The following LILRB4 variants were observed in gnomAD, a reference collection of about 807,000 sequenced individuals.
LILRB4 encodes leukocyte immunoglobulin like receptor B4.
LILRB4 carries 49 observed loss-of-function variants against 55.2 expected under a neutral mutation model. The ratio of observed to expected loss-of-function variants is 0.89; its 90% CI spans 0.71 to 1.13. The LOEUF (loss-of-function observed/expected upper bound fraction) is 1.13. Among genes scored for constraint, LILRB4 ranks in the 50% most tolerant of loss-of-function variants. The pLI, the probability that LILRB4 is intolerant of heterozygous loss-of-function variation, is 0.00. For synonymous variants in LILRB4, 229 were observed against 213.8 expected, an observed-to-expected ratio of 1.07 and a Z score of -0.62; for missense variants, 590 against 555.2, an observed-to-expected ratio of 1.06 and a Z score of -0.63.
At chr19:54,668,295 A>C in exon 12 of LILRB4, 1 of 433,178 alleles carries the variant, frequency 2.3e-6, no homozygotes, top group East Asian at 3.7e-5. Context: ...GATCATGTAA[A>C]TATTACACAT....
At chr19:54,663,972 C>T (rs145519196) in exon 3 of LILRB4, 47 of 1,613,916 alleles carry the variant, frequency 2.9e-5, no homozygotes, top group African/African-American at 1.1e-4. Flanking sequence ...AGGGAGATAC[C>T]GCTGTTACTA....
In LILRB4 at chr19:54,665,737, G is replaced by C; in HGVS notation, c.758-78G>C. 5.3e-6 allele frequency: 8 copies of C among 1,497,548 alleles called. No individual in the cohort carries two copies. Among genetic ancestry groups the C allele is most frequent in the Non-Finnish European group, 7.3e-6 (8 of 1,097,510 alleles). 92.8% of individuals were successfully genotyped at this position (1,497,548 alleles called of 1,614,324 possible). A position where few individuals can be genotyped will look rare whatever the true frequency, so the allele number is the denominator to read the frequency against. ...TTGGAGGTAATGAAAGAAAGACCCAGCACACACAGTAGGTGCACACACAGT... is the reference window on the plus strand; with the variant it reads ...TTGGAGGTAATGAAAGAAAGACCCACCACACACAGTAGGTGCACACACAGT... On this transcript the variant is annotated intron_variant, in intron 6 of 11. Coordinates refer to ENST00000430952, the Ensembl canonical transcript of LILRB4. The surrounding 1 kb of genome is among the most constrained non-coding windows in gnomAD (Gnocchi z 5.5).
rs546775602 is a variant in LILRB4, at chr19:54,666,468, G to A, written c.988+32G>A. The A allele has an allele frequency of 3.1e-6, 5 of 1,612,514 alleles. No individual in the cohort carries two copies. The highest frequency in any genetic ancestry group is 4.5e-5 in the East Asian group (2 of 44,894). Reference sequence around the variant, plus strand: ...GAGAGGCAGAGAAGGTGCACCTGGGGTGGAGCTGGGGGTCCCAAAATTTCA... The same window carrying A: ...GAGAGGCAGAGAAGGTGCACCTGGGATGGAGCTGGGGGTCCCAAAATTTCA... On this transcript the variant is annotated intron_variant, in intron 9 of 11. Transcript: ENST00000430952. This position sits in a 1 kb window ranked among gnomAD's most constrained non-coding sequence, Gnocchi z 4.8.
chr19:54,667,006 A>T (rs970441308), intron 10 of LILRB4: 42 of 688,582 alleles, frequency 6.1e-5, no homozygotes, highest in Middle Eastern at 3.7e-4. Flanking sequence ...CCCAGGCCTC[A>T]GGAGGATGAC....
Position 54,665,744 on chromosome 19 carries a change from C to T in LILRB4, c.758-71C>T, listed in dbSNP as rs930479674. 3 of 1,515,544 alleles carry T rather than the reference C, an allele frequency of 2.0e-6. No individual in the cohort carries two copies. The highest frequency in any genetic ancestry group is 2.8e-5 in the African/African-American group (2 of 72,226). The allele number at this position is 1,515,544 out of a possible 1,614,324, so 93.9% of individuals were successfully genotyped here. A position where few individuals can be genotyped will look rare whatever the true frequency, so the allele number is the denominator to read the frequency against. On this transcript the variant is annotated intron_variant, in intron 6 of 11. Transcript: ENST00000430952. The surrounding 1 kb of genome is among the most constrained non-coding windows in gnomAD (Gnocchi z 5.5). ...TAATGAAAGAAAGACCCAGCACACACAGTAGGTGCACACACAGTAGGTGTG... is the reference window on the plus strand; with the variant it reads ...TAATGAAAGAAAGACCCAGCACACATAGTAGGTGCACACACAGTAGGTGTG...
intron 1 of LILRB4, among the ~76,000 whole-genome samples, chr19:54,663,289 A>G (rs1347148374): frequency 2.0e-5 from 3 of 151,744 alleles, no homozygotes; most frequent in Admixed American, 6.6e-5. Context: ...TACTAAAAAT[A>G]CAAAAAATTA....
Position 54,666,196 on chromosome 19 carries a change from G to C in LILRB4, c.875-44G>C, listed in dbSNP as rs536302819. 3.9e-6 allele frequency: 6 copies of C among 1,524,992 alleles called. No individual in the cohort carries two copies. The highest frequency in any genetic ancestry group is 1.4e-5 in the African/African-American group (1 of 71,870). The allele number at this position is 1,524,992 out of a possible 1,614,324, so 94.5% of individuals were successfully genotyped here. On this transcript the variant is annotated intron_variant, in intron 7 of 11. Coordinates refer to ENST00000430952, the Ensembl canonical transcript of LILRB4. This position sits in a 1 kb window ranked among gnomAD's most constrained non-coding sequence, Gnocchi z 4.8. ...TTGACTTGCATGTGCAAGGCAGGTG[G>C]TTCTAACGTTCCCAGAGCTGAGACT...
At chr19:54,664,907 C>T in intron 5 of LILRB4, 58 bp downstream of exon 5, 1 of 1,511,172 alleles carries the variant, frequency 6.6e-7, no homozygotes, top group Non-Finnish European at 9.2e-7. Flanking sequence ...TGTCTCAAGA[C>T]ATGCTCAGTG....
rs759853004 is a variant in LILRB4, at chr19:54,665,918, A to T, written c.861A>T (p.Lys287Asn). 6.2e-7 allele frequency: 1 copy of T among 1,613,628 alleles called. No individual in the cohort carries two copies. The highest frequency in any genetic ancestry group is 1.1e-5 in the South Asian group (1 of 91,026). Reference sequence around the variant, plus strand: ...TCCTCCAACACTGGCGTCAGGGAAAACACAGGACATTGGGTAAGTAGGAAA... The same window carrying T: ...TCCTCCAACACTGGCGTCAGGGAAATCACAGGACATTGGGTAAGTAGGAAA... The change falls in exon 7 of 12, where the codon AAA becomes AAT. Residue 287 changes from lysine (K) to asparagine (N), a missense_variant. Lys to Asn is a moderately conservative substitution (Grantham distance 94). Coordinates refer to ENST00000430952, the Ensembl canonical transcript of LILRB4. The surrounding 1 kb of genome is among the most constrained non-coding windows in gnomAD (Gnocchi z 5.5).
chr19:54,667,288 G>T (rs2065325151), intron 10 of LILRB4: 1 of 581,516 alleles, frequency 1.7e-6, no homozygotes, highest in Non-Finnish European at 3.3e-6. Flanking sequence ...GGAAAGGGAG[G>T]GCTGTCTGCT....
At chr19:54,663,192 A>C in intron 1 of LILRB4, 125 bp downstream of exon 1, 1 of 1,116,962 alleles carries the variant, frequency 9.0e-7, no homozygotes. Flanking sequence ...CACGCCTGTA[A>C]TCCCAGCACT....
Position 54,663,524 on chromosome 19 carries a change from T to C in LILRB4, c.35-8T>C. 1 of 1,608,562 alleles carries C rather than the reference T, an allele frequency of 6.2e-7. No homozygotes were observed. The highest frequency in any genetic ancestry group is 2.2e-5 in the East Asian group (1 of 44,702). On this transcript the variant is annotated splice_region_variant and splice_polypyrimidine_tract_variant and intron_variant, in intron 1 of 11. Coordinates refer to ENST00000430952, the Ensembl canonical transcript of LILRB4. The stretch of plus-strand genomic sequence containing the variant: ...GGGGCAAATCCCTCACAGGGAACTC[T>C]CTTCCAGGGCTGAGTCTGGGCCCCA...
Position 54,665,718 on chromosome 19 carries a change from G to A in LILRB4, c.758-97G>A. ...TGCACAACTGCTGTGAGGGTTGGAG[G>A]TAATGAAAGAAAGACCCAGCACACA... is the stretch of plus-strand genomic sequence containing the variant. On this transcript the variant is annotated intron_variant, in intron 6 of 11. Coordinates refer to ENST00000430952, the Ensembl canonical transcript of LILRB4. The surrounding 1 kb of genome is among the most constrained non-coding windows in gnomAD (Gnocchi z 5.5). 7.3e-7 allele frequency: 1 copy of A among 1,375,626 alleles called. No individual in the cohort carries two copies. The highest frequency in any genetic ancestry group is 1.2e-5 in the South Asian group (1 of 80,494). The allele number at this position is 1,375,626 out of a possible 1,614,324, so 85.2% of individuals were successfully genotyped here.
rs778811791 is a variant in LILRB4, at chr19:54,664,942, C to T, written c.706+93C>T. ...GGATCTAAGTCCTCGTTCCAATTCT[C>T]AGCTGGGCTTGCTTCCACGGGTGTG... On this transcript the variant is annotated intron_variant, in intron 5 of 11. Transcript: ENST00000430952. 10 of 1,423,050 alleles carry T rather than the reference C, an allele frequency of 7.0e-6. No individual in the cohort carries two copies. In the East Asian group the frequency reaches 1.7e-4, roughly 24 times the overall value. The allele number at this position is 1,423,050 out of a possible 1,614,324, so 88.2% of individuals were successfully genotyped here.
At chr19:54,664,695 T>C in intron 4 of LILRB4, 104 bp from the exon 5 acceptor site, 1 of 1,073,362 alleles carries the variant, frequency 9.3e-7, no homozygotes, top group Non-Finnish European at 1.4e-6. Context: ...GACAGAGAAA[T>C]GGTCCTTGGG....
chr19:54,663,860 T>C (rs751513717), exon 3 of LILRB4: 2 of 1,613,922 alleles, frequency 1.2e-6, no homozygotes, highest in Non-Finnish European at 1.7e-6. Context: ...GGGAGTACCG[T>C]CTGGATAAAG....
At position 54,664,477 on chromosome 19, in the gene LILRB4, T is replaced by C. The variant is rs200966749; in HGVS notation, c.647T>C (p.Ile216Thr). The C allele has an allele frequency of 3.7e-6, 6 of 1,601,148 alleles. No homozygotes were observed. The African/African-American group carries it at 6.7e-5, about 18-fold the overall frequency. The stretch of plus-strand genomic sequence containing the variant: ...CACCCCAGTGACCCCCTGGAGCTCA[T>C]AGTCTCAGGTGAGGCTCCTGACCCT... The change falls in exon 4 of 12, where the codon ATA (isoleucine) becomes ACA (threonine). Residue 216 changes from isoleucine (I) to threonine (T), a missense_variant. Coordinates refer to ENST00000430952, the Ensembl canonical transcript of LILRB4.
rs565161900 is a variant in LILRB4, at chr19:54,666,417, C to T, written c.969C>T (p.Asp323=). The change falls in exon 9 of 12, where the codon GAC becomes GAT. Residue 323 remains aspartate, a synonymous_variant. Transcript: ENST00000430952. The surrounding 1 kb of genome is among the most constrained non-coding windows in gnomAD (Gnocchi z 4.8). ...CCCCCAGGTCCAGCCCAGCTGCTGA[C>T]GTCCAGGGAGAAAACTTCTGTGAGT... 1.8e-5 allele frequency: 29 copies of T among 1,614,158 alleles called. No individual in the cohort carries two copies. Among genetic ancestry groups the T allele is most frequent in the South Asian group, 5.5e-5 (5 of 91,078 alleles).
chr19:54,665,105 C>T lies in LILRB4; in HGVS notation c.707-25C>T. On this transcript the variant is annotated intron_variant, in intron 5 of 11. Transcript: ENST00000430952. The surrounding 1 kb of genome is among the most constrained non-coding windows in gnomAD (Gnocchi z 5.5). Reference sequence around the variant, plus strand: ...GATGTGGGGAGCAGGGCAGCCCCAGCCCTCACATCCCTGTTCTAACCCAGC... The same window carrying T: ...GATGTGGGGAGCAGGGCAGCCCCAGTCCTCACATCCCTGTTCTAACCCAGC... 6.2e-7 allele frequency: 1 copy of T among 1,609,622 alleles called. No homozygotes were observed. The highest frequency in any genetic ancestry group is 8.5e-7 in the Non-Finnish European group (1 of 1,177,722).
Sources: gnomAD v4.1 joint callset for allele counts (sites outside exome capture counted in the v4.1 genomes callset) on GRCh38, gnomAD v4.1.1 for gene constraint, Gnocchi (gnomAD v3.1) non-coding constraint, MANE v1.5 for transcripts, NCBI Gene and HGNC (gene_info 2026-07-23, HGNC 2026-07-21) for gene names.